TRPC7: variants seen among roughly 807,000 people sequenced by gnomAD.
TRPC7 encodes short transient receptor potential channel 7.
TRPC7 carries 42 observed loss-of-function variants against 90.1 expected under a neutral mutation model. The observed-to-expected ratio is 0.47, with a 90% CI of 0.36 to 0.60. The LOEUF is 0.60. TRPC7 is among the 20% of genes least tolerant of loss of function. The pLI is 0.00. For synonymous variants in TRPC7, 451 were observed against 436.3 expected (o/e 1.03, Z -0.42); for missense variants, 955 against 1,112.3 (o/e 0.86, Z 2.01).
intron 2 of TRPC7, among the ~76,000 whole-genome samples, chr5:136,335,568 C>T (rs1427086413): frequency 1.3e-5 from 2 of 151,832 alleles, no homozygotes; most frequent in Admixed American, 6.6e-5. Context: ...GGCAACAGTC[C>T]CATCTTCCAT....
At chr5:136,215,473 A>G (rs1216307979) in intron 11 of TRPC7, among the ~76,000 whole-genome samples, 2 of 152,068 alleles carry the variant, frequency 1.3e-5, no homozygotes, top group African/African-American at 4.8e-5. Flanking sequence ...CCCTTAACAG[A>G]AGGAGATTAT....
intron 10 of TRPC7, among the ~76,000 whole-genome samples, chr5:136,221,113 CTGTGTGTG>C (rs34373112): frequency 2.0e-5 from 3 of 148,686 alleles, no homozygotes; most frequent in Non-Finnish European, 3.0e-5. Context: ...GTGTATGTGT[CTGTGTGTG>C]TGTGTGTGTG....
At chr5:136,254,007 C>T (rs1756609739) in intron 5 of TRPC7, among the ~76,000 whole-genome samples, 1 of 152,164 alleles carries the variant, frequency 6.6e-6, no homozygotes. Context: ...TAAGCCAGTG[C>T]CCAAACCAGA....
At chr5:136,248,922 G>T (rs1407027257) in intron 6 of TRPC7, among the ~76,000 whole-genome samples, 1 of 152,176 alleles carries the variant, frequency 6.6e-6, no homozygotes, top group Non-Finnish European at 1.5e-5. Context: ...AGTACTACTG[G>T]GATGCTAATG....
intron 3 of TRPC7, among the ~76,000 whole-genome samples, chr5:136,289,600 G>T (rs1164394976): frequency 3.3e-5 from 5 of 152,252 alleles, no homozygotes; most frequent in Admixed American, 6.5e-5. Flanking sequence ...TGGGGGAGGG[G>T]CGCCTGCCAT....
intron 2 of TRPC7, among the ~76,000 whole-genome samples, chr5:136,328,579 G>A (rs1408455966): frequency 6.6e-6 from 1 of 152,202 alleles, no homozygotes; most frequent in African/African-American, 2.4e-5. Context: ...GTATGATTTT[G>A]AGTGTATAAC....
chr5:136,243,513 G>A (rs901671006), intron 7 of TRPC7, among the ~76,000 whole-genome samples: 1 of 152,080 alleles, frequency 6.6e-6, no homozygotes, highest in African/African-American at 2.4e-5. Flanking sequence ...GTGGGTCAAA[G>A]GGAAGATTAT....
chr5:136,344,185 A>G (rs1180528688), intron 2 of TRPC7, among the ~76,000 whole-genome samples: 1 of 152,190 alleles, frequency 6.6e-6, no homozygotes. Context: ...TAAACCAAAT[A>G]CTGCATGTTT....
chr5:136,285,334 C>A (rs1757677908), intron 3 of TRPC7, among the ~76,000 whole-genome samples: 1 of 152,158 alleles, frequency 6.6e-6, no homozygotes, highest in Non-Finnish European at 1.5e-5. Flanking sequence ...GTACAAAGAG[C>A]AGAATGACAT....
At chr5:136,280,978 T>C (rs182707950) in intron 3 of TRPC7, among the ~76,000 whole-genome samples, 113 of 152,338 alleles carry the variant, frequency 7.4e-4, no homozygotes, top group African/African-American at 2.6e-3. Context: ...GGGCCTGGAC[T>C]GGAACCCAGG....
chr5:136,358,887 G>C lies in TRPC7; in HGVS notation c.3-1502C>G, dbSNP rs1236346145. On this transcript the variant is annotated intron_variant, in intron 1 of 11. Transcript: ENST00000513104. ...ATTAGAATGGCATAAATTTTATCAA[G>C]AGTGTATCCGTTTTAAAGAGTAAGT... Among the ~76,000 whole-genome samples, 8 of 152,264 alleles carry C rather than the reference G, an allele frequency of 5.3e-5. No homozygotes were observed. The East Asian group carries it at 1.2e-3, about 22-fold the overall frequency.
chr5:136,263,237 C>T (rs955878150), intron 5 of TRPC7, among the ~76,000 whole-genome samples: 1 of 152,142 alleles, frequency 6.6e-6, no homozygotes, highest in Admixed American at 6.5e-5. Flanking sequence ...AAGTGTGTCT[C>T]TATAGTACAA....
intron 3 of TRPC7, among the ~76,000 whole-genome samples, chr5:136,291,135 AAAGAAGCT>A: frequency 2.0e-5 from 3 of 152,218 alleles, no homozygotes; most frequent in African/African-American, 7.2e-5. Context: ...AGAGCTCCTG[AAAGAAGCT>A]CTAAACATGG....
At position 136,310,643 on chromosome 5, in the gene TRPC7, G is replaced by T. The variant is rs143894113; in HGVS notation, c.963+4954C>A. Among the ~76,000 whole-genome samples the T allele has an allele frequency of 5.1e-3, 772 of 152,280 alleles. 5 individuals carry two copies. The highest frequency in any genetic ancestry group is 0.018 in the African/African-American group (734 of 41,546). On this transcript the variant is annotated intron_variant, in intron 3 of 11. Transcript: ENST00000513104. Reference sequence around the variant, plus strand: ...AGAGCAGAGGCCCCCAAACCAAGCTGCATCCCAAGATGCTAGAACTGGGAC... The same window carrying T: ...AGAGCAGAGGCCCCCAAACCAAGCTTCATCCCAAGATGCTAGAACTGGGAC...
At chr5:136,336,924 T>C (rs547814811) in intron 2 of TRPC7, among the ~76,000 whole-genome samples, 1 of 152,196 alleles carries the variant, frequency 6.6e-6, no homozygotes, top group African/African-American at 2.4e-5. Context: ...AACCACAGAA[T>C]GGTGACAGGA....
intron 7 of TRPC7, among the ~76,000 whole-genome samples, chr5:136,235,373 A>G (rs954166504): frequency 4.6e-5 from 7 of 152,190 alleles, no homozygotes; most frequent in Admixed American, 4.6e-4. Context: ...ATGTGGCAGG[A>G]AATAAATGAA....
chr5:136,213,006 G>A lies in TRPC7; in HGVS notation c.*429C>T, dbSNP rs145509805. On this transcript the variant is annotated 3_prime_UTR_variant, in exon 12 of 12. Coordinates refer to ENST00000513104, the MANE Select transcript of TRPC7 (RefSeq NM_020389.3). ...TCCTGGTTCTGTTTGGATGTGTTGG[G>A]GGTGGCAGGGAGGGAGTGAGAAGGA... Among the ~76,000 whole-genome samples, 1 of 152,292 alleles carries A rather than the reference G, an allele frequency of 6.6e-6. No individual in the cohort carries two copies. The highest frequency in any genetic ancestry group is 1.9e-4 in the East Asian group (1 of 5,180).
chr5:136,314,652 A>AG (rs1406667329), intron 3 of TRPC7, among the ~76,000 whole-genome samples: 5 of 152,194 alleles, frequency 3.3e-5, no homozygotes, highest in Admixed American at 3.3e-4. Context: ...ATGGTTGTTG[A>AG]AGGCACAAAT....
intron 2 of TRPC7, among the ~76,000 whole-genome samples, chr5:136,344,330 G>A (rs146178089): frequency 1.2e-3 from 189 of 152,250 alleles, no homozygotes; most frequent in Non-Finnish European, 2.0e-3. Flanking sequence ...AGTTTTTACC[G>A]TGGTACTTAT....
Sources: gnomAD v4.1 joint callset for allele counts (sites outside exome capture counted in the v4.1 genomes callset) on GRCh38, gnomAD v4.1.1 for gene constraint, MANE v1.5 for transcripts, NCBI Gene and HGNC (gene_info 2026-07-23, HGNC 2026-07-21) for gene names.